Variants in KIF2A observed in about 807,000 individuals in gnomAD.
KIF2A encodes kinesin-like protein KIF2A.
Under a neutral mutation model 100.2 loss-of-function variants are expected in KIF2A, and 22 were observed. The ratio of observed to expected loss-of-function variants is 0.22; its 90% confidence interval spans 0.16 to 0.31. KIF2A has a LOEUF of 0.31. KIF2A is among the 10% of genes least tolerant of loss of function. KIF2A has a pLI of 1.00. For synonymous variants in KIF2A, 268 were observed against 285.9 expected (o/e 0.94, Z 0.63); for missense variants, 495 against 898.7 (o/e 0.55, Z 5.74).
chr5:62,383,740 A>G (rs994356225), intron 20 of KIF2A, among the ~76,000 whole-genome samples: 1 of 152,142 alleles, frequency 6.6e-6, no homozygotes, highest in African/African-American at 2.4e-5. Flanking sequence ...ATAATTCACA[A>G]TCAGCTTCTG....
At chr5:62,361,859 TAAAAATACAAAA>T (rs1320278817) in intron 11 of KIF2A, among the ~76,000 whole-genome samples, 3,815 of 151,790 alleles carry the variant, frequency 0.025, 141 homozygotes, top group African/African-American at 0.084. Flanking sequence ...CCATCTCTAC[TAAAAATACAAAA>T]AAAAACTTAG....
chr5:62,352,567 A>G (rs528495434), intron 4 of KIF2A, 21 bp from the exon 5 acceptor site: 2 of 1,120,122 alleles, frequency 1.8e-6, no homozygotes, highest in East Asian at 6.8e-5. Flanking sequence ...TGAATTTAAA[A>G]TTTTTTTTTT....
intron 12 of KIF2A, among the ~76,000 whole-genome samples, chr5:62,362,824 T>G (rs2111958233): frequency 6.6e-6 from 1 of 152,346 alleles, no homozygotes; most frequent in Middle Eastern, 3.4e-3. Context: ...GACTCATTTT[T>G]ATAGAACTGA....
chr5:62,366,305 AT>A (rs1741065956), intron 15 of KIF2A, 108 bp from the exon 16 acceptor site: 2 of 691,714 alleles, frequency 2.9e-6, no homozygotes, highest in Admixed American at 2.6e-5. Context: ...ATAAGTCTTT[AT>A]TTTTAAATAA....
chr5:62,341,279 C>T (rs975950170), intron 1 of KIF2A, among the ~76,000 whole-genome samples: 1 of 151,804 alleles, frequency 6.6e-6, no homozygotes. Flanking sequence ...ATTGAGGAGA[C>T]TGCTGATACT....
intron 7 of KIF2A, among the ~76,000 whole-genome samples, chr5:62,355,968 A>AAC (rs1748084304): frequency 6.6e-6 from 1 of 151,628 alleles, no homozygotes; most frequent in South Asian, 2.1e-4. Context: ...TTTTAGTAGA[A>AAC]ACGGGGTTCA....
At chr5:62,383,984 C>A (rs1036159074) in intron 20 of KIF2A, among the ~76,000 whole-genome samples, 2 of 152,112 alleles carry the variant, frequency 1.3e-5, no homozygotes, top group Non-Finnish European at 2.9e-5. Flanking sequence ...CACCTGTAAT[C>A]CCAGCACTTT....
intron 4 of KIF2A, among the ~76,000 whole-genome samples, chr5:62,350,912 CAA>C (rs34215234): frequency 6.1e-5 from 8 of 131,646 alleles, no homozygotes; most frequent in Non-Finnish European, 9.9e-5. Context: ...ACTCCATCTC[CAA>C]AAAAAAAAAA....
At chr5:62,367,418 C>T (rs1387432884) in intron 16 of KIF2A, among the ~76,000 whole-genome samples, 1 of 152,000 alleles carries the variant, frequency 6.6e-6, no homozygotes, top group Non-Finnish European at 1.5e-5. Context: ...AGGCGTGTAC[C>T]ACCATACCCG....
At chr5:62,321,089 A>G (rs1746069129) in intron 1 of KIF2A, among the ~76,000 whole-genome samples, 2 of 152,342 alleles carry the variant, frequency 1.3e-5, no homozygotes, top group South Asian at 4.1e-4. Context: ...ACTCAAGTTT[A>G]TCAGTATAGT....
intron 1 of KIF2A, among the ~76,000 whole-genome samples, chr5:62,322,177 GTCTCAGCC>G (rs1013979376): frequency 2.6e-5 from 4 of 152,036 alleles, no homozygotes; most frequent in African/African-American, 7.2e-5. Context: ...TGATCCTCCC[GTCTCAGCC>G]TCTCAGAAGT....
intron 17 of KIF2A, 151 bp from the exon 18 acceptor site, chr5:62,373,536 T>C: frequency 3.5e-6 from 2 of 577,650 alleles, no homozygotes; most frequent in South Asian, 4.7e-5. Flanking sequence ...CACTTAAGTG[T>C]TTCTACAGAT....
intron 2 of KIF2A, among the ~76,000 whole-genome samples, chr5:62,347,713 C>A (rs577671592): frequency 4.3e-4 from 66 of 152,064 alleles, no homozygotes; most frequent in Non-Finnish European, 5.7e-4. Flanking sequence ...GCAGCCTTGA[C>A]CTCCTGGGCT....
intron 11 of KIF2A, among the ~76,000 whole-genome samples, 200 bp downstream of exon 11, chr5:62,361,729 CAAG>C (rs1327902848): frequency 1.4e-5 from 2 of 146,600 alleles, no homozygotes; most frequent in African/African-American, 5.1e-5. Flanking sequence ...TTTAAGAAGA[CAAG>C]AACTGTAGGC....
intron 3 of KIF2A, among the ~76,000 whole-genome samples, chr5:62,348,996 A>C (rs2111912744): frequency 6.6e-6 from 1 of 152,326 alleles, no homozygotes; most frequent in South Asian, 2.1e-4. Context: ...GAAGCAACAA[A>C]ACTTTGTTTC....
chr5:62,340,376 A>T (rs1747233380), intron 1 of KIF2A, among the ~76,000 whole-genome samples: 1 of 152,212 alleles, frequency 6.6e-6, no homozygotes, highest in Admixed American at 6.5e-5. Flanking sequence ...AGTAAAGTAA[A>T]TGGTGAATCA....
chr5:62,353,794 G>A (rs140242897), intron 6 of KIF2A, among the ~76,000 whole-genome samples: 19 of 152,150 alleles, frequency 1.2e-4, no homozygotes, highest in Non-Finnish European at 2.4e-4. Context: ...AGTGAAAGGG[G>A]GGAAATTCCT....
intron 1 of KIF2A, among the ~76,000 whole-genome samples, chr5:62,321,518 G>A (rs1250638802): frequency 6.6e-6 from 1 of 152,058 alleles, no homozygotes; most frequent in Non-Finnish European, 1.5e-5. Flanking sequence ...GACTAATGAT[G>A]TTGAACGTCT....
rs549914931 is a variant in KIF2A, at chr5:62,328,887, A to AC, written c.65-18242dup. Among the ~76,000 whole-genome samples the AC allele has an allele frequency of 1.5e-3, 234 of 152,318 alleles. 1 individual carries two copies. The highest frequency in any genetic ancestry group is 5.5e-3 in the African/African-American group (227 of 41,570). ...GAATGAAACTTTTCTAAAAAGCTGCACAACGGGCCCTTCTAAATAATAATG... is the reference window on the plus strand; with the variant it reads ...GAATGAAACTTTTCTAAAAAGCTGCACCAACGGGCCCTTCTAAATAATAATG... On this transcript the variant is annotated intron_variant, in intron 1 of 20. Coordinates refer to ENST00000407818, the MANE Select transcript of KIF2A (RefSeq NM_001098511.3).
Sources: allele counts gnomAD v4.1 joint callset (sites outside exome capture counted in the v4.1 genomes callset), GRCh38; gene constraint gnomAD v4.1.1; transcripts MANE v1.5; gene names NCBI Gene and HGNC (gene_info 2026-07-23, HGNC 2026-07-21).